Variants in ZNF385D observed in about 807,000 individuals in gnomAD.
The protein encoded by ZNF385D is zinc finger protein 385D.
Under a neutral mutation model 35.8 loss-of-function variants are expected in ZNF385D, and 15 were observed. That is an observed-to-expected ratio of 0.42 (90% CI 0.28 to 0.64). The LOEUF is 0.64. ZNF385D is among the 30% of genes least tolerant of loss of function. ZNF385D has a pLI of 0.23. For missense variants in ZNF385D, 474 were observed against 494.6 expected (o/e 0.96, Z 0.39); for synonymous variants, 212 against 186.8 (o/e 1.13, Z -1.10).
At chr3:22,363,250 C>G (rs989377091) in intron 2 of ZNF385D, among the ~76,000 whole-genome samples, 1 of 152,172 alleles carries the variant, frequency 6.6e-6, no homozygotes, top group African/African-American at 2.4e-5. Context: ...AAGAGTCAAG[C>G]AGACCCCAGC....
rs556556321 is a variant in ZNF385D at position 22,227,083 on chromosome 3, T to C, written c.107-58048A>G. On this transcript the variant is annotated intron_variant, in intron 2 of 5. Transcript: ENST00000494108. Reference sequence around the variant, plus strand: ...CCAAGCCCAGACCCACTAAATCAGATAAGGTGTCCAGCTATTTGTATATAC... The same window carrying C: ...CCAAGCCCAGACCCACTAAATCAGACAAGGTGTCCAGCTATTTGTATATAC... 9.9e-5 allele frequency among the ~76,000 whole-genome samples: 15 copies of C among 152,222 alleles called. No homozygotes were observed. The South Asian group carries it at 3.1e-3, about 32-fold the overall frequency.
chr3:21,988,029 T>G (rs1694912943), intron 3 of ZNF385D, among the ~76,000 whole-genome samples: 1 of 144,910 alleles, frequency 6.9e-6, no homozygotes, highest in African/African-American at 2.5e-5. Context: ...TCAGCTCCTT[T>G]AAGCACTTCT....
intron 3 of ZNF385D, among the ~76,000 whole-genome samples, chr3:22,105,433 A>G (rs1702156250): frequency 6.6e-6 from 1 of 152,112 alleles, no homozygotes; most frequent in South Asian, 2.1e-4. Context: ...ATATACATAC[A>G]TACTTATATA....
At chr3:21,781,933 A>G (rs2071504963) in intron 3 of ZNF385D, among the ~76,000 whole-genome samples, 1 of 152,068 alleles carries the variant, frequency 6.6e-6, no homozygotes, top group Admixed American at 6.6e-5. Context: ...AACAACTAGC[A>G]ACTTTCATCA....
At chr3:22,218,033 A>C (rs1205645686) in intron 2 of ZNF385D, among the ~76,000 whole-genome samples, 1 of 152,164 alleles carries the variant, frequency 6.6e-6, no homozygotes, top group Admixed American at 6.6e-5. Context: ...CAACAGATAC[A>C]CAGCAAGTCC....
At chr3:21,562,370 A>ATCTACAGAATTAGAAACACTCCAAAAAT (rs2062982077) in intron 3 of ZNF385D, among the ~76,000 whole-genome samples, 3 of 152,244 alleles carry the variant, frequency 2.0e-5, no homozygotes, top group Non-Finnish European at 2.9e-5. Context: ...TTTGACATCA[A>ATCTACAGAATTAGAAACACTCCAAAAAT]TCTACAGAAT....
intron 3 of ZNF385D, among the ~76,000 whole-genome samples, chr3:21,911,427 G>C (rs923311532): frequency 2.6e-5 from 4 of 151,874 alleles, no homozygotes; most frequent in Admixed American, 2.6e-4. Flanking sequence ...CTGGAGAAAT[G>C]AGCTCATATT....
chr3:21,990,488 G>C (rs766487543), intron 3 of ZNF385D, among the ~76,000 whole-genome samples: 2 of 151,944 alleles, frequency 1.3e-5, no homozygotes, highest in Non-Finnish European at 2.9e-5. Context: ...TTCCATTTCT[G>C]CTCATTTCTA....
intron 3 of ZNF385D, among the ~76,000 whole-genome samples, chr3:21,850,132 T>C (rs1696292794): frequency 6.8e-6 from 1 of 146,774 alleles, no homozygotes; most frequent in Non-Finnish European, 1.5e-5. Flanking sequence ...AGCTGTTATA[T>C]CTCTCTTTCA....
intron 3 of ZNF385D, among the ~76,000 whole-genome samples, chr3:21,895,750 A>G (rs1457513585): frequency 1.3e-5 from 2 of 152,048 alleles, no homozygotes; most frequent in South Asian, 2.1e-4. Context: ...AGGGGATTCA[A>G]CTAGGTAATA....
chr3:21,790,595 T>C (rs955460821), intron 3 of ZNF385D, among the ~76,000 whole-genome samples: 2 of 152,178 alleles, frequency 1.3e-5, no homozygotes, highest in African/African-American at 4.8e-5. Flanking sequence ...GCAGTCAGAA[T>C]GCAGCTTTTT....
At chr3:21,849,920 G>T (rs79021433) in intron 3 of ZNF385D, among the ~76,000 whole-genome samples, 5,815 of 151,816 alleles carry the variant, frequency 0.038, 383 homozygotes, top group African/African-American at 0.13. Context: ...TTTTTAAATT[G>T]TTTTGTAGGG....
intron 3 of ZNF385D, among the ~76,000 whole-genome samples, chr3:21,563,003 AGCAGCAAATACCACTT>A (rs2063010164): frequency 6.6e-6 from 1 of 152,206 alleles, no homozygotes; most frequent in African/African-American, 2.4e-5. Context: ...TTTGGTTTTT[AGCAGCAAATACCACTT>A]AAGTGCTGGT....
chr3:21,913,418 A>T (rs1026661471), intron 3 of ZNF385D, among the ~76,000 whole-genome samples: 1 of 152,118 alleles, frequency 6.6e-6, no homozygotes, highest in Non-Finnish European at 1.5e-5. Flanking sequence ...GGGACTACCT[A>T]CATGAATGTA....
Position 21,627,579 on chromosome 3 carries a change from GGCT to G in ZNF385D, c.165+37304_165+37306del, listed in dbSNP as rs77795156. ...TCTATACTCCTCCTTCCTTTATTGG[GGCT>G]GCTATGCTATATAAATCTGAGTTAT... is the stretch of plus-strand genomic sequence containing the variant. On this transcript the variant is annotated intron_variant, in intron 2 of 7. Coordinates refer to ENST00000281523, the MANE Select transcript of ZNF385D (RefSeq NM_024697.3). 3.5e-3 allele frequency among the ~76,000 whole-genome samples: 532 copies of G among 151,902 alleles called. 2 individuals carry two copies. The highest frequency in any genetic ancestry group is 6.2e-3 in the Non-Finnish European group (418 of 67,958).
chr3:22,151,937 T>G (rs1382103240), intron 3 of ZNF385D, among the ~76,000 whole-genome samples: 1 of 152,114 alleles, frequency 6.6e-6, no homozygotes, highest in Non-Finnish European at 1.5e-5. Context: ...CTTGTACAGG[T>G]TATTTAATCA....
chr3:21,837,702 T>C (rs1256645470), intron 3 of ZNF385D, among the ~76,000 whole-genome samples: 3 of 151,898 alleles, frequency 2.0e-5, no homozygotes, highest in Non-Finnish European at 4.4e-5. Flanking sequence ...TGAAACTTCG[T>C]CTCTACTAAA....
chr3:22,011,519 A>G (rs1696574149), intron 3 of ZNF385D, among the ~76,000 whole-genome samples: 1 of 152,112 alleles, frequency 6.6e-6, no homozygotes, highest in Admixed American at 6.5e-5. Context: ...TGGAAAAGAG[A>G]AACATAGTAA....
chr3:21,445,575 T>A (rs1417095893), intron 4 of ZNF385D, among the ~76,000 whole-genome samples: 2 of 152,204 alleles, frequency 1.3e-5, no homozygotes, highest in African/African-American at 4.8e-5. Flanking sequence ...AACAATCACC[T>A]CAGCAATCTA....
Sources: allele counts gnomAD v4.1 joint callset (sites outside exome capture counted in the v4.1 genomes callset), GRCh38; gene constraint gnomAD v4.1.1; transcripts MANE v1.5; gene names NCBI Gene and HGNC (gene_info 2026-07-23, HGNC 2026-07-21).